Variants in TENM3 observed in about 807,000 individuals in gnomAD.
TENM3 encodes the protein teneurin-3.
A neutral mutation model predicts 255.1 loss-of-function variants in TENM3; 63 were observed. The ratio of observed to expected loss-of-function variants is 0.25; its 90% CI spans 0.20 to 0.30. TENM3 has a LOEUF of 0.30. Ranked by LOEUF, TENM3 falls within the 10% of genes least tolerant of loss-of-function variation. The pLI is 1.00. For synonymous variants in TENM3, 1,306 were observed against 1,322.3 expected (o/e 0.99, Z 0.27); for missense variants, 2,929 against 3,461.1 (o/e 0.85, Z 3.86).
the TENM3 span, among the ~76,000 whole-genome samples, chr4:181,475,498 G>A: frequency 1.3e-5 from 2 of 152,188 alleles, no homozygotes; most frequent in Non-Finnish European, 2.9e-5. Flanking sequence ...TGAGATGTGA[G>A]ACACATTAAC....
intron 1 of TENM3, among the ~76,000 whole-genome samples, chr4:182,322,472 G>A (rs1034276668): frequency 1.2e-4 from 19 of 152,250 alleles, no homozygotes; most frequent in South Asian, 4.1e-4. Flanking sequence ...TTATTCCAGC[G>A]CAGGGAGTCT....
the TENM3 span, among the ~76,000 whole-genome samples, chr4:182,056,594 T>C: frequency 6.6e-6 from 1 of 152,172 alleles, no homozygotes; most frequent in African/African-American, 2.4e-5. Flanking sequence ...CCAAGAATGA[T>C]ATTGCAAAGT....
the TENM3 span, among the ~76,000 whole-genome samples, chr4:181,840,957 AC>A: frequency 6.6e-6 from 1 of 152,116 alleles, no homozygotes; most frequent in Non-Finnish European, 1.5e-5. Flanking sequence ...TCCTTTGTCT[AC>A]TTTTTTAAAG....
intron 3 of TENM3, among the ~76,000 whole-genome samples, chr4:182,593,510 G>T (rs1439529831): frequency 3.3e-5 from 5 of 152,126 alleles, no homozygotes; most frequent in Non-Finnish European, 7.3e-5. Flanking sequence ...AAGCAGCACA[G>T]CTGTCCGCCC....
chr4:182,657,551 C>G (rs1753858711), intron 6 of TENM3, among the ~76,000 whole-genome samples: 1 of 152,204 alleles, frequency 6.6e-6, no homozygotes. Flanking sequence ...AACATTTGAA[C>G]ATTCCAGTCT....
chr4:182,492,831 T>TAGGATTTA, intron 3 of TENM3, among the ~76,000 whole-genome samples: 1 of 152,262 alleles, frequency 6.6e-6, no homozygotes, highest in East Asian at 1.9e-4. Flanking sequence ...CATCACTTGA[T>TAGGATTTA]AGGATTTAAA....
At chr4:182,214,439 A>G (rs1755296498) in intron 1 of TENM3, among the ~76,000 whole-genome samples, 1 of 152,176 alleles carries the variant, frequency 6.6e-6, no homozygotes, top group Non-Finnish European at 1.5e-5. Context: ...ATTCTTGATC[A>G]GAAATATTTA....
intron 1 of TENM3, among the ~76,000 whole-genome samples, chr4:182,317,326 G>T (rs913850341): frequency 3.3e-5 from 5 of 151,964 alleles, no homozygotes; most frequent in African/African-American, 2.4e-5. Flanking sequence ...TCGAGACAGG[G>T]TCTTACTCTG....
intron 24 of TENM3, among the ~76,000 whole-genome samples, chr4:182,781,504 T>C (rs2152810432): frequency 6.6e-6 from 1 of 152,226 alleles, no homozygotes; most frequent in African/African-American, 2.4e-5. Context: ...TCAAGGATAT[T>C]GGTCTAAAAT....
chr4:182,536,020 A>G (rs1019584392), intron 3 of TENM3, among the ~76,000 whole-genome samples: 2 of 152,192 alleles, frequency 1.3e-5, no homozygotes, highest in Non-Finnish European at 1.5e-5. Context: ...TACAACAATG[A>G]AGAATTCCGT....
the TENM3 span, among the ~76,000 whole-genome samples, chr4:182,126,709 T>C: frequency 6.6e-6 from 1 of 152,194 alleles, no homozygotes; most frequent in African/African-American, 2.4e-5. Context: ...ATTGCTGTAC[T>C]ATGCATTGAT....
chr4:182,416,967 T>C (rs1770409687), intron 3 of TENM3, among the ~76,000 whole-genome samples: 1 of 152,114 alleles, frequency 6.6e-6, no homozygotes, highest in Admixed American at 6.5e-5. Context: ...AATTTACATT[T>C]TCTTTGTTGT....
chr4:182,161,769 GTATATATATATACACAAATATATGTA>G (rs1410340299), intron 1 of TENM3, among the ~76,000 whole-genome samples: 1 of 24,600 alleles, frequency 4.1e-5, no homozygotes, highest in African/African-American at 1.4e-4. Context: ...ATATATATGT[GTATATATATATACACAAATATATGTA>G]TATATATACA....
At chr4:181,899,883 A>G in the TENM3 span, among the ~76,000 whole-genome samples, 2 of 152,074 alleles carry the variant, frequency 1.3e-5, no homozygotes, top group Admixed American at 1.3e-4. Context: ...TATTTTTATC[A>G]ACTACCCTGG....
chr4:181,854,329 C>G, the TENM3 span, among the ~76,000 whole-genome samples: 1 of 152,258 alleles, frequency 6.6e-6, no homozygotes, highest in South Asian at 2.1e-4. Flanking sequence ...ATGAATGGAA[C>G]CACTCAATGA....
At chr4:182,741,073 G>A (rs1424574487) in intron 18 of TENM3, among the ~76,000 whole-genome samples, 2 of 152,178 alleles carry the variant, frequency 1.3e-5, no homozygotes, top group Non-Finnish European at 2.9e-5. Flanking sequence ...CTACTCAGGA[G>A]GCTGGGGCAG....
At chr4:181,996,742 A>T in the TENM3 span, among the ~76,000 whole-genome samples, 2 of 152,136 alleles carry the variant, frequency 1.3e-5, no homozygotes, top group Non-Finnish European at 2.9e-5. Flanking sequence ...ATTTGGGTGT[A>T]TTTTGGAGAC....
chr4:181,907,972 G>T, the TENM3 span, among the ~76,000 whole-genome samples: 823 of 152,116 alleles, frequency 5.4e-3, 8 homozygotes, highest in African/African-American at 0.019. Flanking sequence ...TGCACATAAG[G>T]GTTTGTTACC....
chr4:181,460,471 G>A, the TENM3 span, among the ~76,000 whole-genome samples: 1 of 151,552 alleles, frequency 6.6e-6, no homozygotes, highest in East Asian at 1.9e-4. Flanking sequence ...TTTAATTGGT[G>A]CTTATTTTTC....
Sources: gnomAD v4.1 joint callset for allele counts (sites outside exome capture counted in the v4.1 genomes callset) on GRCh38, gnomAD v4.1.1 for gene constraint, MANE v1.5 for transcripts, NCBI Gene and HGNC (gene_info 2026-07-23, HGNC 2026-07-21) for gene names.